Variants in CTBP2 observed in about 807,000 individuals in gnomAD.
CTBP2 encodes C-terminal-binding protein 2.
In CTBP2, 30 loss-of-function variants were observed where a neutral mutation model predicts 80.3. The ratio of observed to expected loss-of-function variants is 0.37; its 90% CI spans 0.28 to 0.51. The LOEUF (loss-of-function observed/expected upper bound fraction) is 0.51, where lower values mean the gene tolerates loss of function less well. Among genes scored for constraint, CTBP2 ranks in the 20% least tolerant of loss-of-function variants. CTBP2 has a pLI of 0.93. For missense variants in CTBP2, 1,212 were observed against 1,375.3 expected (o/e 0.88, Z 1.88); for synonymous variants, 594 against 587.4 (o/e 1.01, Z -0.16).
At chr10:125,011,858 C>G (rs769378771) in intron 1 of CTBP2, among the ~76,000 whole-genome samples, 1 of 152,208 alleles carries the variant, frequency 6.6e-6, no homozygotes, top group East Asian at 1.9e-4. Flanking sequence ...GCACTGGTGG[C>G]TTTTTGGAAG....
At chr10:125,044,900 C>T (rs1277416777) in intron 2 of CTBP2, among the ~76,000 whole-genome samples, 3 of 152,188 alleles carry the variant, frequency 2.0e-5, no homozygotes, top group African/African-American at 7.2e-5. Flanking sequence ...AACAAAATTA[C>T]TAAAACTGTA....
intron 3 of CTBP2, among the ~76,000 whole-genome samples, chr10:125,035,323 T>C (rs1186075856): frequency 2.0e-5 from 3 of 152,184 alleles, no homozygotes; most frequent in Non-Finnish European, 4.4e-5. Context: ...TGCGGAATGT[T>C]TCATGAGCTT....
Position 125,088,706 on chromosome 10 carries a change from GC to G in CTBP2, c.-102+22283del, listed in dbSNP as rs760081560. Among the ~76,000 whole-genome samples, 5 of 152,068 alleles carry G rather than the reference GC, an allele frequency of 3.3e-5. No homozygotes were observed. The South Asian group carries it at 8.3e-4, about 25-fold the overall frequency. On this transcript the variant is annotated intron_variant, in intron 2 of 10. Coordinates refer to the CTBP2 transcript ENST00000337195. ...TGTTTCCGTTGGCTAGAAATCAATA[GC>G]CCTACTCAACGCCTAACAATTGAGT... is the stretch of plus-strand genomic sequence containing the variant.
chr10:125,078,107 C>T (rs999962616), intron 2 of CTBP2, among the ~76,000 whole-genome samples: 21 of 152,180 alleles, frequency 1.4e-4, no homozygotes, highest in African/African-American at 5.1e-4. Context: ...GGTGAAACCC[C>T]GTCTCTACTA....
chr10:124,994,126 TG>T, intron 5 of CTBP2, 141 bp from the exon 8 acceptor site: 3 of 1,147,444 alleles, frequency 2.6e-6, no homozygotes, highest in African/African-American at 1.6e-5. Flanking sequence ...GGGAAGGGAG[TG>T]GGAAGTGTTG....
chr10:124,994,469 C>T lies in CTBP2; in HGVS notation c.2400G>A (p.Gln800=). 1 of 1,613,658 alleles carries T rather than the reference C, an allele frequency of 6.2e-7. No homozygotes were observed. Among genetic ancestry groups the T allele is most frequent in the Non-Finnish European group, 8.5e-7 (1 of 1,179,572 alleles). Residue 800 remains glutamine (Q), a splice_region_variant and synonymous_variant, in exon 5 of 9, where the codon CAG becomes CAA. Coordinates refer to ENST00000309035, the MANE Select transcript of CTBP2 (RefSeq NM_022802.3). ...TCCATGGCATCTATTTTCAAATTAC[C>T]TGCTTTATGGTAAAGTCATTGATGA...
intron 1 of CTBP2, among the ~76,000 whole-genome samples, chr10:125,150,427 C>G (rs1199384421): frequency 6.6e-6 from 1 of 152,102 alleles, no homozygotes; most frequent in East Asian, 1.9e-4. Flanking sequence ...CAGATGAGGG[C>G]AAGGGAGAAA....
chr10:124,993,205 T>G lies in CTBP2; in HGVS notation c.2656A>C (p.Thr886Pro). Residue 886 changes from threonine (T) to proline (P), a missense_variant, in exon 7 of 9, where the codon ACA becomes CCA. Thr to Pro is a conservative substitution (Grantham distance 38). Transcript: ENST00000309035. ...CCAGAGGCACGGAGGGGCTCACCTGTGATGGCTCGGCGGATCTCGGTGGCA... is the reference window on the plus strand; with the variant it reads ...CCAGAGGCACGGAGGGGCTCACCTGGGATGGCTCGGCGGATCTCGGTGGCA... The G allele has an allele frequency of 6.3e-7, 1 of 1,596,442 alleles. No individual in the cohort carries two copies.
intron 1 of CTBP2, among the ~76,000 whole-genome samples, chr10:125,140,855 C>T (rs534677556): frequency 4.6e-5 from 7 of 150,544 alleles, no homozygotes; most frequent in Admixed American, 4.0e-4. Flanking sequence ...AAAACCATGA[C>T]GTGGCTGGGC....
In CTBP2 at chr10:125,027,148, G is replaced by A. The variant is rs748949567; in HGVS notation, c.612C>T (p.Ala204=). The change falls in exon 1 of 9, where the codon GCC becomes GCT. Residue 204 remains alanine (A), a synonymous_variant. Transcript: ENST00000309035. ...CGCTGAAGACCTGGCTGAGGGGGTAGGCAGGCACCTCCGCCCCATACCTGG... is the reference window on the plus strand; with the variant it reads ...CGCTGAAGACCTGGCTGAGGGGGTAAGCAGGCACCTCCGCCCCATACCTGG... 1.1e-5 allele frequency: 18 copies of A among 1,604,260 alleles called. No homozygotes were observed. Among genetic ancestry groups the A allele is most frequent in the Non-Finnish European group, 1.5e-5 (18 of 1,173,100 alleles).
At chr10:125,009,764 G>C (rs755842943) in intron 1 of CTBP2, among the ~76,000 whole-genome samples, 1 of 152,212 alleles carries the variant, frequency 6.6e-6, no homozygotes, top group African/African-American at 2.4e-5. Flanking sequence ...GACACTTGGC[G>C]TTAGACTTGT....
intron 1 of CTBP2, among the ~76,000 whole-genome samples, chr10:125,010,550 T>C (rs1343705274): frequency 6.6e-6 from 1 of 152,200 alleles, no homozygotes; most frequent in Non-Finnish European, 1.5e-5. Context: ...CCCTTATCTC[T>C]CTTTCTGCAT....
At chr10:125,031,968 C>G (rs1017121167), upstream of CTBP2, among the ~76,000 whole-genome samples, 1 of 152,100 alleles carries the variant, frequency 6.6e-6, no homozygotes, top group Non-Finnish European at 1.5e-5. Context: ...CTGCACATTG[C>G]TTCTGACTCA....
In CTBP2 at chr10:125,066,281, C is replaced by T. The variant is rs1211278156; in HGVS notation, c.-101-27126G>A. On this transcript the variant is annotated intron_variant, in intron 2 of 10. Transcript: ENST00000337195. This position sits in a 1 kb window ranked among gnomAD's most constrained non-coding sequence, Gnocchi z 4.1. Reference sequence around the variant, plus strand: ...ACCAAGCCACATCCCAAATCCTAACCCCAGCAGAGCCAGAGACTCAATGCT... The same window carrying T: ...ACCAAGCCACATCCCAAATCCTAACTCCAGCAGAGCCAGAGACTCAATGCT... Among the ~76,000 whole-genome samples, 2 of 152,114 alleles carry T rather than the reference C, an allele frequency of 1.3e-5. No homozygotes were observed. The highest frequency in any genetic ancestry group is 4.8e-5 in the African/African-American group (2 of 41,424).
At chr10:125,117,279 T>C (rs1289612089) in intron 1 of CTBP2, among the ~76,000 whole-genome samples, 2 of 152,134 alleles carry the variant, frequency 1.3e-5, no homozygotes, top group Non-Finnish European at 2.9e-5. Context: ...TCATGTGCAG[T>C]CCTGGGGGCT....
At chr10:125,152,193 G>A (rs983616116) in intron 1 of CTBP2, among the ~76,000 whole-genome samples, 2 of 152,136 alleles carry the variant, frequency 1.3e-5, no homozygotes, top group South Asian at 2.1e-4. Context: ...CCCAGGGATG[G>A]AGGGGGCTTC....
intron 2 of CTBP2, among the ~76,000 whole-genome samples, chr10:125,099,888 T>C (rs554052755): frequency 2.0e-5 from 3 of 152,318 alleles, no homozygotes; most frequent in South Asian, 2.1e-4. Flanking sequence ...CCCAGCACAC[T>C]GTGGCCAGAA....
At chr10:125,151,552 G>A (rs776953305) in intron 1 of CTBP2, among the ~76,000 whole-genome samples, 9 of 152,204 alleles carry the variant, frequency 5.9e-5, no homozygotes, top group Non-Finnish European at 8.8e-5. Flanking sequence ...AAATGATGCC[G>A]CTGTTTACCG....
At position 125,003,332 on chromosome 10, in the gene CTBP2, G is replaced by C; in HGVS notation, c.1833+6C>G. 1 of 1,607,340 alleles carries C rather than the reference G, an allele frequency of 6.2e-7. No individual in the cohort carries two copies. Among genetic ancestry groups the C allele is most frequent in the Non-Finnish European group, 8.5e-7 (1 of 1,178,716 alleles). On this transcript the variant is annotated splice_donor_region_variant and intron_variant, in intron 2 of 8. Transcript: ENST00000309035. ...TGCAGGCCCCGGCCGGGCAGGGTGG[G>C]CCCACCTTCTCGTGGATTTCCTGCG...
Sources: gnomAD v4.1 joint callset for allele counts (sites outside exome capture counted in the v4.1 genomes callset) on GRCh38, gnomAD v4.1.1 for gene constraint, Gnocchi (gnomAD v3.1) non-coding constraint, MANE v1.5 for transcripts, NCBI Gene and HGNC (gene_info 2026-07-23, HGNC 2026-07-21) for gene names.